JAKMIP3: variants seen among roughly 807,000 people sequenced by gnomAD.
JAKMIP3 encodes Janus kinase and microtubule interacting protein 3, also known as janus kinase and microtubule-interacting protein 3.
Under a neutral mutation model 118.5 loss-of-function variants are expected in JAKMIP3, and 58 were observed. The observed-to-expected ratio is 0.49, with a 90% CI of 0.40 to 0.61. The LOEUF is 0.61. JAKMIP3 is among the 20% of genes least tolerant of loss of function. The probability of loss-of-function intolerance (pLI) is 0.00; values close to 1 mark genes in which losing one functional copy is unlikely to be tolerated. For synonymous variants in JAKMIP3, 486 were observed against 451.2 expected (o/e 1.08, Z -0.98); for missense variants, 950 against 1,109.0 (o/e 0.86, Z 2.04).
In JAKMIP3 at chr10:132,112,247, C is replaced by T. The variant is rs1160150407; in HGVS notation, c.136-4830C>T. Among the ~76,000 whole-genome samples the T allele has an allele frequency of 2.0e-5, 3 of 151,976 alleles. No individual in the cohort carries two copies. Among genetic ancestry groups the T allele is most frequent in the African/African-American group, 7.2e-5 (3 of 41,426 alleles). On this transcript the variant is annotated intron_variant, in intron 2 of 23. Coordinates refer to ENST00000684848, the MANE Select transcript of JAKMIP3 (RefSeq NM_001323087.2). This position sits in a 1 kb window ranked among gnomAD's most constrained non-coding sequence, Gnocchi z 4.3. ...ACATTTGGGTGGTGAGCACAGGTGCCTGCTGTCCCGCGGGGCACACGGGCC... is the reference window on the plus strand; with the variant it reads ...ACATTTGGGTGGTGAGCACAGGTGCTTGCTGTCCCGCGGGGCACACGGGCC...
chr10:132,135,538 G>A (rs2051570874), intron 5 of JAKMIP3, among the ~76,000 whole-genome samples: 1 of 139,666 alleles, frequency 7.2e-6, no homozygotes, highest in Non-Finnish European at 1.7e-5. Context: ...GTGTCTGCAA[G>A]GGTCCAGTAG....
chr10:132,131,330 G>A (rs2050536643), intron 3 of JAKMIP3, among the ~76,000 whole-genome samples: 1 of 151,542 alleles, frequency 6.6e-6, no homozygotes, highest in Admixed American at 6.6e-5. Context: ...GTGGGGGCTT[G>A]AGAGACACAG....
intron 1 of JAKMIP3, among the ~76,000 whole-genome samples, chr10:132,066,735 CTT>C (rs2038851481): frequency 6.6e-6 from 1 of 152,208 alleles, no homozygotes; most frequent in Admixed American, 6.5e-5. Flanking sequence ...CTAATTCACT[CTT>C]TGAGGTTATT....
At chr10:132,177,224 T>A (rs1456839554) in intron 23 of JAKMIP3, among the ~76,000 whole-genome samples, 1 of 152,248 alleles carries the variant, frequency 6.6e-6, no homozygotes, top group Non-Finnish European at 1.5e-5. Context: ...ATGGGGCCGT[T>A]AATAGGGGAT....
At chr10:132,084,782 AAGGGATGCTAGATTTTGTC>A (rs2042178923) in intron 1 of JAKMIP3, among the ~76,000 whole-genome samples, 1 of 152,162 alleles carries the variant, frequency 6.6e-6, no homozygotes, top group Non-Finnish European at 1.5e-5. Context: ...TTTAATTATA[AAGGGATGCTAGATTTTGTC>A]TAATGCTTTT....
intron 1 of JAKMIP3, among the ~76,000 whole-genome samples, chr10:132,055,323 C>T (rs903396043): frequency 1.3e-5 from 2 of 152,212 alleles, no homozygotes; most frequent in African/African-American, 4.8e-5. Context: ...CAATGACAAA[C>T]ATGTCCTCTA....
chr10:132,053,967 G>A (rs567454977), intron 1 of JAKMIP3, among the ~76,000 whole-genome samples: 1 of 151,354 alleles, frequency 6.6e-6, no homozygotes, highest in Admixed American at 6.6e-5. Context: ...ATGAACCCTG[G>A]AGGCGGAGCT....
At chr10:132,062,519 A>G (rs2038429027), upstream of JAKMIP3, among the ~76,000 whole-genome samples, 1 of 151,406 alleles carries the variant, frequency 6.6e-6, no homozygotes, top group Non-Finnish European at 1.5e-5. Flanking sequence ...ATATGCGGGG[A>G]TACAGCGAAG....
intron 1 of JAKMIP3, among the ~76,000 whole-genome samples, chr10:132,091,155 A>C (rs1174594098): frequency 6.6e-6 from 1 of 152,152 alleles, no homozygotes. Context: ...AGTTTGTTAT[A>C]ATTTCTGTTC....
intron 9 of JAKMIP3, among the ~76,000 whole-genome samples, chr10:132,139,050 GTGTGTGTGTGTGTGTGTGTATGTGTA>G (rs2052524930): frequency 9.5e-5 from 1 of 10,536 alleles, no homozygotes; most frequent in Non-Finnish European, 1.4e-4. Flanking sequence ...TTTATGTTGA[GTGTGTGTGTGTGTGTGTGTATGTGTA>G]TGTGTGTGTG....
intron 2 of JAKMIP3, among the ~76,000 whole-genome samples, chr10:132,111,570 A>G (rs1281794639): frequency 6.6e-6 from 1 of 151,830 alleles, no homozygotes; most frequent in Non-Finnish European, 1.5e-5. Context: ...CTAGTAACCT[A>G]TAGTCTGCCT....
intron 4 of JAKMIP3, among the ~76,000 whole-genome samples, 161 bp downstream of exon 4, chr10:132,133,688 C>T (rs897372566): frequency 1.3e-5 from 2 of 152,214 alleles, no homozygotes; most frequent in African/African-American, 4.8e-5. Context: ...GCCCTAGGTG[C>T]TCAGCTCCTC....
chr10:132,082,280 A>G (rs910622682), intron 1 of JAKMIP3, among the ~76,000 whole-genome samples: 3 of 151,682 alleles, frequency 2.0e-5, no homozygotes, highest in Admixed American at 6.6e-5. Flanking sequence ...GTTCGGTTAC[A>G]TGGGTAAATT....
Position 132,180,772 on chromosome 10 carries a change from T to TGTGTGTGCGTGTGTGTGCGTGC in JAKMIP3, c.*1104-1578_*1104-1577insCGTGTGTGTGCGTGCGTGTGTG, listed in dbSNP as rs1554963486. 3.1e-5 allele frequency among the ~76,000 whole-genome samples: 2 copies of TGTGTGTGCGTGTGTGTGCGTGC among 63,678 alleles called. 1 individual carries two copies. Among genetic ancestry groups the TGTGTGTGCGTGTGTGTGCGTGC allele is most frequent in the African/African-American group, 1.6e-4 (2 of 12,152 alleles). The allele number at this position is 63,678 out of a possible 152,430, so 41.8% of individuals were successfully genotyped here. On this transcript the variant is annotated intron_variant, in intron 23 of 23. Coordinates refer to ENST00000684848, the MANE Select transcript of JAKMIP3 (RefSeq NM_001323087.2). ...GCGCGCGTGTGTGCGTGTGTGTGCGTGTGTGTGTGTGCGCGTATGCATGTG... is the reference window on the plus strand; with the variant it reads ...GCGCGCGTGTGTGCGTGTGTGTGCGTGTGTGTGCGTGTGTGTGCGTGCGTGTGTGTGTGCGCGTATGCATGTG...
chr10:132,121,662 A>G (rs1389845787), intron 3 of JAKMIP3, among the ~76,000 whole-genome samples: 1 of 152,134 alleles, frequency 6.6e-6, no homozygotes, highest in East Asian at 1.9e-4. Context: ...GGAGGGTGGT[A>G]TCTGAGTCTG....
intron 13 of JAKMIP3, among the ~76,000 whole-genome samples, chr10:132,146,129 GCCCCCACCCCCA>G (rs1170830974): frequency 2.4e-4 from 24 of 100,012 alleles, no homozygotes; most frequent in Non-Finnish European, 4.1e-4. Context: ...GTGCTGCCCC[GCCCCCACCCCCA>G]CCCCCACCCC....
Position 132,149,438 on chromosome 10 carries a change from C to T in JAKMIP3, c.1875C>T (p.Ile625=). The T allele has an allele frequency of 2.5e-6, 4 of 1,605,870 alleles. No homozygotes were observed. The highest frequency in any genetic ancestry group is 3.4e-6 in the Non-Finnish European group (4 of 1,176,960). Residue 625 remains isoleucine (I), a synonymous_variant, in exon 15 of 24, where the codon ATC becomes ATT. Transcript: ENST00000684848. ...AGAGGGAGAGGAAGTCACCCGCCAT[C>T]AGCTTCCACCACACGCCCTTCGTGG... is the stretch of plus-strand genomic sequence containing the variant. ...LEERERKSPA[I]SFHHTPFVDG... is the part of the protein sequence containing the mutation.
At chr10:132,095,020 C>T (rs2043657841) in intron 1 of JAKMIP3, among the ~76,000 whole-genome samples, 1 of 152,172 alleles carries the variant, frequency 6.6e-6, no homozygotes, top group Non-Finnish European at 1.5e-5. Flanking sequence ...GAAAAGCCAG[C>T]AGCACAGGCC....
At chr10:132,085,679 T>C (rs1170662565) in intron 1 of JAKMIP3, among the ~76,000 whole-genome samples, 1 of 152,092 alleles carries the variant, frequency 6.6e-6, no homozygotes, top group Admixed American at 6.5e-5. Flanking sequence ...TTTTGTATTT[T>C]TAGTAGAGAT....
Sources: allele counts gnomAD v4.1 joint callset (sites outside exome capture counted in the v4.1 genomes callset), GRCh38; gene constraint gnomAD v4.1.1; non-coding constraint Gnocchi (gnomAD v3.1); transcripts MANE v1.5; gene names NCBI Gene and HGNC (gene_info 2026-07-23, HGNC 2026-07-21).